Variants in NAALADL2 observed in about 807,000 individuals in gnomAD.
The protein encoded by NAALADL2 is inactive N-acetylated-alpha-linked acidic dipeptidase-like protein 2.
NAALADL2 carries 76 observed loss-of-function variants against 87.2 expected under a neutral mutation model. The observed-to-expected ratio is 0.87, with a 90% CI of 0.72 to 1.05. The LOEUF is 1.05. Among genes scored for constraint, NAALADL2 ranks in the 50% least tolerant of loss-of-function variants. The probability of loss-of-function intolerance (pLI) is 0.00; values close to 1 mark genes in which losing one functional copy is unlikely to be tolerated. For synonymous variants in NAALADL2, 354 were observed against 331.0 expected (o/e 1.07, Z -0.75); for missense variants, 1,089 against 945.8 (o/e 1.15, Z -1.99).
chr3:175,360,248 A>G (rs1764833872), intron 5 of NAALADL2, among the ~76,000 whole-genome samples: 1 of 152,054 alleles, frequency 6.6e-6, no homozygotes, highest in Non-Finnish European at 1.5e-5. Flanking sequence ...AAAAGTTCCT[A>G]TTTGTTTCTC....
At chr3:175,083,254 C>T (rs555724084) in intron 1 of NAALADL2, among the ~76,000 whole-genome samples, 1 of 152,304 alleles carries the variant, frequency 6.6e-6, no homozygotes, top group East Asian at 1.9e-4. Context: ...GGAAGTTCAT[C>T]CTCTCATTCC....
intron 5 of NAALADL2, among the ~76,000 whole-genome samples, chr3:175,368,390 T>G (rs1291518726): frequency 6.6e-6 from 1 of 152,216 alleles, no homozygotes; most frequent in African/African-American, 2.4e-5. Flanking sequence ...TAGGGAGGTT[T>G]CCCTCTTTTT....
intron 9 of NAALADL2, among the ~76,000 whole-genome samples, chr3:175,543,614 C>G (rs1712772021): frequency 6.6e-6 from 1 of 152,066 alleles, no homozygotes; most frequent in East Asian, 1.9e-4. Context: ...AGGGGAAAAG[C>G]CCCTTATAAA....
intron 1 of NAALADL2, among the ~76,000 whole-genome samples, chr3:174,923,366 T>G (rs1424814869): frequency 6.6e-6 from 1 of 152,074 alleles, no homozygotes; most frequent in Non-Finnish European, 1.5e-5. Context: ...AAGAAACCAA[T>G]AATATTATTT....
chr3:175,149,291 T>C (rs1731206282), intron 2 of NAALADL2, among the ~76,000 whole-genome samples: 1 of 152,224 alleles, frequency 6.6e-6, no homozygotes, highest in Admixed American at 6.5e-5. Context: ...TGTTTGTGAT[T>C]GTCAACTTTT....
chr3:175,012,024 T>C (rs115485490), intron 1 of NAALADL2, among the ~76,000 whole-genome samples: 1 of 152,174 alleles, frequency 6.6e-6, no homozygotes, highest in Non-Finnish European at 1.5e-5. Flanking sequence ...AAAGAATGTA[T>C]GGCAATGCCA....
chr3:174,522,273 T>A (rs1720349833), intron 1 of NAALADL2, among the ~76,000 whole-genome samples: 1 of 152,174 alleles, frequency 6.6e-6, no homozygotes, highest in Admixed American at 6.5e-5. Context: ...TCATACATTG[T>A]AATCCTAACC....
intron 3 of NAALADL2, among the ~76,000 whole-genome samples, chr3:174,759,847 C>T (rs1023020689): frequency 6.6e-6 from 1 of 151,916 alleles, no homozygotes; most frequent in African/African-American, 2.4e-5. Flanking sequence ...ATTACAGGCA[C>T]CTGCCACCAC....
chr3:175,465,173 AC>A (rs1257229778), intron 7 of NAALADL2, among the ~76,000 whole-genome samples: 1 of 150,450 alleles, frequency 6.6e-6, no homozygotes, highest in African/African-American at 2.4e-5. Flanking sequence ...AATGGCGTGA[AC>A]CCGGGAGGCG....
At chr3:174,966,772 C>T (rs567563803) in intron 1 of NAALADL2, among the ~76,000 whole-genome samples, 7 of 152,060 alleles carry the variant, frequency 4.6e-5, no homozygotes, top group African/African-American at 1.7e-4. Flanking sequence ...GACTGGGGAT[C>T]AAAATTTGGG....
At chr3:175,584,896 A>G (rs1204838776) in intron 10 of NAALADL2, among the ~76,000 whole-genome samples, 1 of 152,186 alleles carries the variant, frequency 6.6e-6, no homozygotes, top group African/African-American at 2.4e-5. Context: ...GGCCTAGGAC[A>G]TTTCTGTGCA....
chr3:175,002,565 G>C (rs1748399169), intron 1 of NAALADL2, among the ~76,000 whole-genome samples: 1 of 152,120 alleles, frequency 6.6e-6, no homozygotes, highest in Non-Finnish European at 1.5e-5. Context: ...CTCACAATGA[G>C]CTGAAAATGG....
At chr3:175,243,765 A>C (rs977220447) in intron 3 of NAALADL2, among the ~76,000 whole-genome samples, 1 of 152,068 alleles carries the variant, frequency 6.6e-6, no homozygotes, top group South Asian at 2.1e-4. Context: ...AAGCTACTCA[A>C]AATTTAATCA....
intron 11 of NAALADL2, among the ~76,000 whole-genome samples, chr3:175,703,893 G>A (rs1739318604): frequency 6.6e-6 from 1 of 151,864 alleles, no homozygotes; most frequent in South Asian, 2.1e-4. Context: ...CGTTCATATT[G>A]ACTATTATGA....
chr3:175,091,364 G>A (rs932327532), intron 1 of NAALADL2, among the ~76,000 whole-genome samples: 5 of 151,946 alleles, frequency 3.3e-5, no homozygotes, highest in Non-Finnish European at 7.4e-5. Context: ...GACATTGAAA[G>A]CTTCAGGAAA....
Position 175,393,250 on chromosome 3 carries a change from C to T in NAALADL2, c.1091-53979C>T, listed in dbSNP as rs373390893. Among the ~76,000 whole-genome samples the T allele has an allele frequency of 9.4e-4, 109 of 116,154 alleles. 2 individuals carry two copies. The East Asian group carries it at 0.019, about 20-fold the overall frequency. The allele number at this position is 116,154 out of a possible 152,430, so 76.2% of individuals were successfully genotyped here. ...GATTGCACCACTGCAGTCCGCAGTC[C>T]GGCCTGGGCGACAGAGCGAGACTCC... On this transcript the variant is annotated intron_variant, in intron 5 of 13. Coordinates refer to ENST00000454872, the MANE Select transcript of NAALADL2 (RefSeq NM_207015.3).
At chr3:174,656,759 A>T (rs1724977578) in intron 2 of NAALADL2, among the ~76,000 whole-genome samples, 1 of 151,900 alleles carries the variant, frequency 6.6e-6, no homozygotes, top group African/African-American at 2.4e-5. Context: ...GAAATTTTTT[A>T]CTCTTTGTTA....
At chr3:175,667,181 G>GAGAA (rs201860926) in intron 11 of NAALADL2, among the ~76,000 whole-genome samples, 8,906 of 95,078 alleles carry the variant, frequency 0.094, 587 homozygotes, top group East Asian at 0.12. Flanking sequence ...AAGAAAGAAA[G>GAGAA]AGAAAGAAAG....
chr3:175,743,314 T>C (rs1204375749), intron 12 of NAALADL2, among the ~76,000 whole-genome samples: 1 of 152,208 alleles, frequency 6.6e-6, no homozygotes. Flanking sequence ...AGAATTCTTT[T>C]ATGGCAGGCT....
Sources: allele counts gnomAD v4.1 joint callset (sites outside exome capture counted in the v4.1 genomes callset), GRCh38; gene constraint gnomAD v4.1.1; transcripts MANE v1.5; gene names NCBI Gene and HGNC (gene_info 2026-07-23, HGNC 2026-07-21).